DISP1: variants seen among roughly 807,000 people sequenced by gnomAD.
The protein encoded by DISP1 is protein dispatched homolog 1.
DISP1 carries 30 observed loss-of-function variants against 37.3 expected under a neutral mutation model. The ratio of observed to expected loss-of-function variants is 0.80; its 90% CI spans 0.60 to 1.09. The LOEUF is 1.09. Among genes scored for constraint, DISP1 ranks in the 50% least tolerant of loss-of-function variants. DISP1 has a pLI of 0.00. For synonymous variants in DISP1, 634 were observed against 690.2 expected, an observed-to-expected ratio of 0.92 and a Z score of 1.28; for missense variants, 1,598 against 1,879.5, an observed-to-expected ratio of 0.85 and a Z score of 2.77.
In DISP1 at chr1:222,943,054, G is replaced by A. The variant is rs575300297; in HGVS notation, c.231G>A (p.Met77Ile). The change falls in exon 3 of 9, where the codon ATG becomes ATA. Residue 77 changes from methionine to isoleucine, a missense_variant. Met to Ile is a conservative substitution (Grantham distance 10). Coordinates refer to ENST00000675850, the MANE Select transcript of DISP1 (RefSeq NM_001377229.1). ...LPLDNQRMPQ[M>I]LPQCCHPCPY... is the part of the protein sequence containing the mutation. ...TAGACAACCAAAGAATGCCTCAGAT[G>A]TTACCCCAATGCTGCCATCCTTGCC... The A allele has an allele frequency of 2.8e-5, 46 of 1,614,180 alleles. No homozygotes were observed. Among genetic ancestry groups the A allele is most frequent in the South Asian group, 9.9e-5 (9 of 91,078 alleles).
chr1:222,966,055 G>A (rs931776917), intron 3 of DISP1, among the ~76,000 whole-genome samples: 3 of 152,048 alleles, frequency 2.0e-5, no homozygotes, highest in African/African-American at 7.2e-5. Context: ...TGGATGGATG[G>A]ATAGATAGAG....
At chr1:222,958,822 T>A (rs1299725301) in intron 3 of DISP1, among the ~76,000 whole-genome samples, 2 of 152,158 alleles carry the variant, frequency 1.3e-5, no homozygotes, top group African/African-American at 4.8e-5. Context: ...CATTTTGAAG[T>A]CATATATTTC....
At chr1:222,990,468 G>A (rs903925520) in intron 4 of DISP1, among the ~76,000 whole-genome samples, 157 bp from the exon 5 acceptor site, 5 of 152,194 alleles carry the variant, frequency 3.3e-5, no homozygotes, top group African/African-American at 7.2e-5. Context: ...ATTAGATATT[G>A]TATTGATAAA....
chr1:222,819,805 T>G (rs1662342551), intron 1 of DISP1, among the ~76,000 whole-genome samples: 1 of 152,162 alleles, frequency 6.6e-6, no homozygotes, highest in Non-Finnish European at 1.5e-5. Flanking sequence ...CCTCCCAAAG[T>G]GCTGGGATTA....
At chr1:222,976,269 G>A (rs943629837) in intron 3 of DISP1, among the ~76,000 whole-genome samples, 3 of 152,028 alleles carry the variant, frequency 2.0e-5, no homozygotes, top group African/African-American at 7.2e-5. Context: ...TTATTAGGTC[G>A]ATATTAAAAG....
intron 1 of DISP1, among the ~76,000 whole-genome samples, chr1:222,837,579 A>G (rs1463024487): frequency 1.3e-5 from 2 of 152,228 alleles, no homozygotes; most frequent in African/African-American, 2.4e-5. Flanking sequence ...ACAATGCTAA[A>G]TGTAATGATC....
rs1558321860 is a variant in DISP1 at position 222,905,486 on chromosome 1, T to C, written c.-158-22944T>C. The stretch of plus-strand genomic sequence containing the variant: ...CAAACAATATATAGCATCACTGTAG[T>C]TGTCTTCTTAACAGAACGTATAAAT... On this transcript the variant is annotated intron_variant, in intron 1 of 8. Coordinates refer to ENST00000675850, the MANE Select transcript of DISP1 (RefSeq NM_001377229.1). 3.3e-5 allele frequency among the ~76,000 whole-genome samples: 5 copies of C among 152,334 alleles called. No individual in the cohort carries two copies. In the East Asian group the frequency reaches 5.8e-4, roughly 18 times the overall value.
intron 1 of DISP1, among the ~76,000 whole-genome samples, chr1:222,905,870 G>C (rs569694537): frequency 1.3e-5 from 2 of 149,288 alleles, no homozygotes; most frequent in African/African-American, 2.4e-5. Context: ...TATTCTCATA[G>C]GTCTTTGAGG....
chr1:222,848,060 AATTAT>A (rs922190325), intron 1 of DISP1, among the ~76,000 whole-genome samples: 1 of 151,780 alleles, frequency 6.6e-6, no homozygotes, highest in African/African-American at 2.4e-5. Flanking sequence ...TTTAGGATCT[AATTAT>A]ATTTTATTTT....
chr1:222,936,865 TATATCA>T (rs1673885651), intron 2 of DISP1, among the ~76,000 whole-genome samples: 1 of 80,866 alleles, frequency 1.2e-5, no homozygotes, highest in Admixed American at 1.9e-4. Flanking sequence ...ATATAATTTA[TATATCA>T]TATATATGAT....
intron 1 of DISP1, among the ~76,000 whole-genome samples, chr1:222,915,402 A>T (rs1672442297): frequency 6.6e-6 from 1 of 152,228 alleles, no homozygotes. Context: ...GCATTGCCTA[A>T]TATCCCATAG....
At chr1:222,866,960 C>A (rs1337977070) in intron 1 of DISP1, among the ~76,000 whole-genome samples, 1 of 152,168 alleles carries the variant, frequency 6.6e-6, no homozygotes. Flanking sequence ...ATTAGAAAAT[C>A]ATCTGAAGTG....
At position 222,893,113 on chromosome 1, in the gene DISP1, A is replaced by C. The variant is rs968416581; in HGVS notation, c.-158-35317A>C. Among the ~76,000 whole-genome samples, 1 of 152,188 alleles carries C rather than the reference A, an allele frequency of 6.6e-6. No homozygotes were observed. The highest frequency in any genetic ancestry group is 1.5e-5 in the Non-Finnish European group (1 of 68,034). On this transcript the variant is annotated intron_variant, in intron 1 of 8. Transcript: ENST00000675850. The surrounding 1 kb of genome is among the most constrained non-coding windows in gnomAD (Gnocchi z 4.3). ...TCTATATCAGGTATAGATCATTTTT[A>C]TGTTACGAAAATATCGATCTTATCA...
chr1:222,945,910 C>G (rs1464845567), intron 3 of DISP1: 1 of 152,076 alleles, frequency 6.6e-6, no homozygotes, highest in South Asian at 2.1e-4. Context: ...AAGGCAGTGG[C>G]TGAACTATAT....
At chr1:222,840,492 T>C (rs1463925779) in intron 1 of DISP1, among the ~76,000 whole-genome samples, 1 of 151,628 alleles carries the variant, frequency 6.6e-6, no homozygotes, top group Non-Finnish European at 1.5e-5. Context: ...ATCCACCCAC[T>C]GAGCCTCCCA....
chr1:222,817,756 A>G (rs1661614739), intron 1 of DISP1, among the ~76,000 whole-genome samples: 1 of 152,224 alleles, frequency 6.6e-6, no homozygotes, highest in Non-Finnish European at 1.5e-5. Context: ...CTTGGGCCTC[A>G]GAGTGACTCA....
At position 222,828,715 on chromosome 1, in the gene DISP1, G is replaced by GATT. The variant is rs201455183; in HGVS notation, c.-159+13638_-159+13640dup. On this transcript the variant is annotated intron_variant, in intron 1 of 8. Transcript: ENST00000675850. ...AGGTTCATTCCACCAGGAATATGTAGATTCCCCAGGGGCACATTCGCTTTA... is the reference window on the plus strand; with the variant it reads ...AGGTTCATTCCACCAGGAATATGTAGATTATTCCCCAGGGGCACATTCGCTTTA... 5.9e-3 allele frequency among the ~76,000 whole-genome samples: 899 copies of GATT among 152,210 alleles called. 4 individuals carry two copies. Among genetic ancestry groups the GATT allele is most frequent in the Admixed American group, 0.015 (222 of 15,296 alleles).
chr1:223,002,835 G>T lies in DISP1; in HGVS notation c.1438G>T (p.Gly480Cys). The T allele has an allele frequency of 6.2e-7, 1 of 1,613,910 alleles. No homozygotes were observed. Among genetic ancestry groups the T allele is most frequent in the Non-Finnish European group, 8.5e-7 (1 of 1,180,028 alleles). ...DNFENWNSSD[G>C]VTTITGIEFG... is the part of the protein sequence containing the mutation. ...CTTTGAAAACTGGAACTCTTCTGAC[G>T]GCGTGACTACCATCACCGGGATTGA... The change falls in exon 9 of 9, where the codon GGC (glycine) becomes TGC (cysteine). Residue 480 changes from glycine to cysteine, a missense_variant. Physicochemically the swap from Gly to Cys is radical, Grantham distance 159. Coordinates refer to ENST00000675850, the MANE Select transcript of DISP1 (RefSeq NM_001377229.1).
chr1:222,939,531 GA>G (rs1674222167), intron 2 of DISP1, among the ~76,000 whole-genome samples: 1 of 151,918 alleles, frequency 6.6e-6, no homozygotes, highest in Admixed American at 6.6e-5. Flanking sequence ...CTACCATAAA[GA>G]AATACCTGGG....
Sources: allele counts gnomAD v4.1 joint callset (sites outside exome capture counted in the v4.1 genomes callset), GRCh38; gene constraint gnomAD v4.1.1; non-coding constraint Gnocchi (gnomAD v3.1); transcripts MANE v1.5; gene names NCBI Gene and HGNC (gene_info 2026-07-23, HGNC 2026-07-21).